Variants in GSE1 observed in about 807,000 individuals in gnomAD.
GSE1 encodes Gse1 coiled-coil protein, also known as genetic suppressor element 1.
Under a neutral mutation model 112.6 loss-of-function variants are expected in GSE1, and 32 were observed. That is an observed-to-expected ratio of 0.28 (90% CI 0.21 to 0.38). The LOEUF is 0.38. Among genes scored for constraint, GSE1 ranks in the 10% least tolerant of loss-of-function variants. GSE1 has a pLI of 1.00. For synonymous variants in GSE1, 1,115 were observed against 735.6 expected, an observed-to-expected ratio of 1.52 and a Z score of -8.35; for missense variants, 2,348 against 1,699.2, an observed-to-expected ratio of 1.38 and a Z score of -6.71.
chr16:85,432,398 G>C (rs1597736739), intron 2 of GSE1, among the ~76,000 whole-genome samples: 1 of 152,248 alleles, frequency 6.6e-6, no homozygotes, highest in Admixed American at 6.5e-5. Flanking sequence ...CACAGGCAAC[G>C]AGAGACTGGG....
chr16:85,357,926 T>G (rs562822240), intron 2 of GSE1, among the ~76,000 whole-genome samples: 4 of 152,250 alleles, frequency 2.6e-5, no homozygotes, highest in Non-Finnish European at 5.9e-5. Context: ...CTATACACTC[T>G]CTTGTCTTCA....
intron 14 of GSE1, among the ~76,000 whole-genome samples, chr16:85,669,725 CTG>C (rs2053172627): frequency 6.6e-6 from 1 of 152,126 alleles, no homozygotes; most frequent in Non-Finnish European, 1.5e-5. Flanking sequence ...GTATTTTCTT[CTG>C]TGAGTTTGGC....
chr16:85,378,830 G>A (rs2047481743), intron 2 of GSE1, among the ~76,000 whole-genome samples: 1 of 152,192 alleles, frequency 6.6e-6, no homozygotes, highest in African/African-American at 2.4e-5. Flanking sequence ...CTGCTCTGCA[G>A]TCTCCTCCCG....
At chr16:85,203,920 G>A (rs1232243107) in intron 1 of GSE1, among the ~76,000 whole-genome samples, 1 of 152,060 alleles carries the variant, frequency 6.6e-6, no homozygotes, top group Non-Finnish European at 1.5e-5. Flanking sequence ...ATTATTTCTT[G>A]TAGAGATGGG....
intron 3 of GSE1, among the ~76,000 whole-genome samples, chr16:85,651,977 T>G (rs548617151): frequency 1.4e-4 from 22 of 152,214 alleles, no homozygotes; most frequent in Non-Finnish European, 2.9e-4. Flanking sequence ...CTCAGATGTT[T>G]GGCCCTATGC....
At chr16:85,522,276 G>T (rs2052211030) in intron 2 of GSE1, among the ~76,000 whole-genome samples, 1 of 152,090 alleles carries the variant, frequency 6.6e-6, no homozygotes, top group Non-Finnish European at 1.5e-5. Context: ...CCTTCCCAAA[G>T]CCTGCCTGAG....
At chr16:85,346,412 T>G (rs1597450749) in intron 1 of GSE1, among the ~76,000 whole-genome samples, 1 of 101,228 alleles carries the variant, frequency 9.9e-6, no homozygotes. Flanking sequence ...GATGGGCGGG[T>G]GGATGGGTGA....
At chr16:85,544,883 G>A (rs2151217375) in intron 2 of GSE1, among the ~76,000 whole-genome samples, 1 of 152,352 alleles carries the variant, frequency 6.6e-6, no homozygotes, top group East Asian at 1.9e-4. Flanking sequence ...CAGGACCGCG[G>A]CCGGAGCAGG....
chr16:85,302,794 C>T (rs1248757182), intron 1 of GSE1, among the ~76,000 whole-genome samples: 1 of 152,308 alleles, frequency 6.6e-6, no homozygotes, highest in Non-Finnish European at 1.5e-5. Flanking sequence ...TTGGCCTTGT[C>T]GAGGTGCGGT....
intron 1 of GSE1, among the ~76,000 whole-genome samples, chr16:85,240,668 C>T (rs375995695): frequency 6.6e-6 from 1 of 152,176 alleles, no homozygotes; most frequent in Admixed American, 6.5e-5. Flanking sequence ...AGCCTGGGTG[C>T]GCCCTGCGAG....
intron 2 of GSE1, among the ~76,000 whole-genome samples, chr16:85,411,936 GGC>G (rs1274350875): frequency 1.3e-4 from 1 of 7,830 alleles, no homozygotes; most frequent in African/African-American, 5.6e-4. Flanking sequence ...TTACACTCAG[GGC>G]CCCCCTGGAT....
chr16:85,491,450 G>A lies in GSE1; in HGVS notation c.2464+133807G>A, dbSNP rs562182080. ...CTGGGTGGTGGCTTTAGAAGAGAGT[G>A]GGTTGGGAGGGGCTTTATGAGAAGG... On this transcript the variant is annotated intron_variant, in intron 2 of 2. Coordinates refer to the GSE1 transcript ENST00000637419. Among the ~76,000 whole-genome samples the A allele has an allele frequency of 5.3e-5, 8 of 152,314 alleles. No homozygotes were observed. The South Asian group carries it at 1.7e-3, about 32-fold the overall frequency.
At position 85,476,263 on chromosome 16, in the gene GSE1, C is replaced by T. The variant is rs1012939386; in HGVS notation, c.2464+118620C>T. 2.2e-4 allele frequency among the ~76,000 whole-genome samples: 34 copies of T among 152,190 alleles called. 1 individual carries two copies. Among genetic ancestry groups the T allele is most frequent in the Admixed American group, 1.6e-3 (25 of 15,286 alleles). Reference sequence around the variant, plus strand: ...TGAGGCCTGCGGGCTTTTAAGAACACGATGGGCTCCCGGAGACCTGGGATG... The same window carrying T: ...TGAGGCCTGCGGGCTTTTAAGAACATGATGGGCTCCCGGAGACCTGGGATG... On this transcript the variant is annotated intron_variant, in intron 2 of 2. Transcript: ENST00000637419.
At chr16:85,604,178 C>A (rs1423153070) in intron 1 of GSE1, among the ~76,000 whole-genome samples, 1 of 152,222 alleles carries the variant, frequency 6.6e-6, no homozygotes, top group Non-Finnish European at 1.5e-5. Context: ...ACTCCCCTCT[C>A]CCCTCCCCTA....
At chr16:85,333,457 T>C (rs1344977932) in intron 1 of GSE1, among the ~76,000 whole-genome samples, 2 of 152,118 alleles carry the variant, frequency 1.3e-5, no homozygotes, top group Non-Finnish European at 2.9e-5. Flanking sequence ...CTCCTCTGAG[T>C]GCGGCTGCAG....
At chr16:85,523,717 C>T (rs887999755) in intron 2 of GSE1, among the ~76,000 whole-genome samples, 4 of 152,212 alleles carry the variant, frequency 2.6e-5, no homozygotes, top group South Asian at 2.1e-4. Context: ...GCGGCCTCCC[C>T]GAACACTGGG....
At chr16:85,401,891 C>G (rs774212624) in intron 2 of GSE1, among the ~76,000 whole-genome samples, 2 of 152,168 alleles carry the variant, frequency 1.3e-5, no homozygotes, top group Non-Finnish European at 2.9e-5. Context: ...CTGGCGTGAG[C>G]CTGTGCTGGT....
At chr16:85,538,063 C>T (rs912084156) in intron 2 of GSE1, among the ~76,000 whole-genome samples, 4 of 152,198 alleles carry the variant, frequency 2.6e-5, no homozygotes, top group Non-Finnish European at 4.4e-5. Flanking sequence ...ACTGGCCACC[C>T]GGCTGGATTG....
At chr16:85,429,995 G>A (rs28604313) in intron 2 of GSE1, among the ~76,000 whole-genome samples, 3,159 of 152,326 alleles carry the variant, frequency 0.021, 96 homozygotes, top group African/African-American at 0.072. Flanking sequence ...CGGTAAAAAC[G>A]TGCAGTAAGC....
Sources: gnomAD v4.1 joint callset for allele counts (sites outside exome capture counted in the v4.1 genomes callset) on GRCh38, gnomAD v4.1.1 for gene constraint, MANE v1.5 for transcripts, NCBI Gene and HGNC (gene_info 2026-07-23, HGNC 2026-07-21) for gene names.